The following WDFY3 variants were observed in gnomAD, a reference collection of about 807,000 sequenced individuals.
The protein encoded by WDFY3 is WD repeat and FYVE domain containing 3.
WDFY3 carries 66 observed loss-of-function variants against 409.6 expected under a neutral mutation model. The observed-to-expected ratio is 0.16, with a 90% CI of 0.13 to 0.20. WDFY3 has a LOEUF of 0.20. Ranked by LOEUF, WDFY3 falls within the 10% of genes least tolerant of loss-of-function variation. The pLI is 1.00. For synonymous variants in WDFY3, 1,521 were observed against 1,537.1 expected, an observed-to-expected ratio of 0.99 and a Z score of 0.25; for missense variants, 3,031 against 4,298.1, an observed-to-expected ratio of 0.71 and a Z score of 8.24.
intron 61 of WDFY3, 55 bp from the exon 62 acceptor site, chr4:84,688,320 C>G: frequency 3.2e-6 from 5 of 1,557,540 alleles, no homozygotes; most frequent in Non-Finnish European, 4.4e-6. Flanking sequence ...CAGGGTTCCA[C>G]AGTGACTCCA....
At chr4:84,696,945 C>G in intron 56 of WDFY3, 122 bp from the exon 57 acceptor site, 2 of 749,894 alleles carry the variant, frequency 2.7e-6, no homozygotes, top group Middle Eastern at 7.7e-4. Flanking sequence ...AATTGTACAC[C>G]AGAAAGGACT....
intron 6 of WDFY3, among the ~76,000 whole-genome samples, chr4:84,837,908 TCA>T (rs1390234389): frequency 1.3e-5 from 2 of 152,112 alleles, no homozygotes; most frequent in Non-Finnish European, 2.9e-5. Context: ...TCTCTGTCCT[TCA>T]AAAGACCACA....
At chr4:84,801,588 A>G (rs1750570400) in intron 17 of WDFY3, 62 bp downstream of exon 17, 2 of 1,509,428 alleles carry the variant, frequency 1.3e-6, no homozygotes, top group Non-Finnish European at 1.8e-6. Context: ...TTCTGGAATC[A>G]TAAGGACTCT....
At chr4:84,683,208 G>A (rs113518403) in intron 63 of WDFY3, among the ~76,000 whole-genome samples, 1 of 152,292 alleles carries the variant, frequency 6.6e-6, no homozygotes, top group African/African-American at 2.4e-5. Context: ...GTGTGTTTGT[G>A]AGTTTTTGTG....
intron 36 of WDFY3, among the ~76,000 whole-genome samples, chr4:84,749,442 T>C (rs1225207035): frequency 6.6e-6 from 1 of 152,192 alleles, no homozygotes; most frequent in Non-Finnish European, 1.5e-5. Context: ...ATGAAGTTAA[T>C]AGTTAAATGA....
chr4:84,712,606 A>C (rs1212448735), intron 51 of WDFY3, among the ~76,000 whole-genome samples: 1 of 151,794 alleles, frequency 6.6e-6, no homozygotes, highest in Non-Finnish European at 1.5e-5. Flanking sequence ...CTATTATCCC[A>C]GCTACTCGGG....
intron 11 of WDFY3, 75 bp downstream of exon 11, chr4:84,821,009 A>C: frequency 7.5e-7 from 1 of 1,334,496 alleles, no homozygotes; most frequent in South Asian, 1.5e-5. Flanking sequence ...TAACCAAAGA[A>C]TGGGAACAAG....
intron 1 of WDFY3, among the ~76,000 whole-genome samples, chr4:84,961,215 CAA>C (rs35416764): frequency 1.9e-4 from 21 of 109,102 alleles, no homozygotes; most frequent in Admixed American, 1.8e-4. Flanking sequence ...GACTCTGTCT[CAA>C]AAAAAAAAAA....
intron 3 of WDFY3, among the ~76,000 whole-genome samples, chr4:84,877,235 A>G (rs1762912743): frequency 6.6e-6 from 1 of 152,144 alleles, no homozygotes; most frequent in Non-Finnish European, 1.5e-5. Flanking sequence ...ACGCACCCTG[A>G]GCCCTCTCCT....
intron 13 of WDFY3, among the ~76,000 whole-genome samples, chr4:84,816,817 G>A (rs1262928305): frequency 1.3e-5 from 2 of 151,890 alleles, no homozygotes; most frequent in African/African-American, 4.8e-5. Flanking sequence ...GAAATCTGGG[G>A]GTCGGTTCTA....
intron 36 of WDFY3, among the ~76,000 whole-genome samples, chr4:84,744,374 C>A (rs544222639): frequency 6.6e-6 from 1 of 151,814 alleles, no homozygotes; most frequent in African/African-American, 2.4e-5. Context: ...AAAAACTAAG[C>A]ACACAATTTA....
At chr4:84,792,228 A>G (rs531636807) in intron 21 of WDFY3, among the ~76,000 whole-genome samples, 2 of 152,342 alleles carry the variant, frequency 1.3e-5, no homozygotes, top group East Asian at 3.9e-4. Flanking sequence ...ATGTCTGTTG[A>G]TAAGACTATT....
chr4:84,741,936 G>A lies in WDFY3; in HGVS notation c.6074-15C>T. 1 of 1,554,036 alleles carries A rather than the reference G, an allele frequency of 6.4e-7. No homozygotes were observed. Among genetic ancestry groups the A allele is most frequent in the Non-Finnish European group, 8.7e-7 (1 of 1,145,416 alleles). On this transcript the variant is annotated splice_polypyrimidine_tract_variant and intron_variant, in intron 37 of 67. Transcript: ENST00000295888. ...TGCATCTTCCCCTAAATTCCAGTAGGAAAAAAAGTCTAAGAAAATTGATAT... is the reference window on the plus strand; with the variant it reads ...TGCATCTTCCCCTAAATTCCAGTAGAAAAAAAAGTCTAAGAAAATTGATAT...
chr4:84,845,208 T>C (rs1757924018), intron 5 of WDFY3, among the ~76,000 whole-genome samples: 1 of 152,212 alleles, frequency 6.6e-6, no homozygotes, highest in Non-Finnish European at 1.5e-5. Context: ...AGAATAATCT[T>C]GTTCTGGTGA....
Position 84,724,415 on chromosome 4 carries a change from G to T in WDFY3, c.7441+11C>A, listed in dbSNP as rs769435917. On this transcript the variant is annotated intron_variant, in intron 46 of 67. Transcript: ENST00000295888. ...AATCACTTTTAATCAAAATCAAAAA[G>T]GCAGGCTGACCTTTGACTTTAGCAA... The T allele has an allele frequency of 6.3e-7, 1 of 1,586,802 alleles. No homozygotes were observed. Among genetic ancestry groups the T allele is most frequent in the Non-Finnish European group, 8.6e-7 (1 of 1,168,068 alleles).
intron 7 of WDFY3, among the ~76,000 whole-genome samples, chr4:84,834,981 G>A (rs1340621778): frequency 6.6e-6 from 1 of 152,128 alleles, no homozygotes; most frequent in East Asian, 1.9e-4. Flanking sequence ...CTAGGAGTTG[G>A]GAGAGCTAGG....
chr4:84,678,904 C>A lies in WDFY3; in HGVS notation c.10147+15G>T. 6.2e-7 allele frequency: 1 copy of A among 1,600,910 alleles called. No homozygotes were observed. The highest frequency in any genetic ancestry group is 8.5e-7 in the Non-Finnish European group (1 of 1,172,794). On this transcript the variant is annotated intron_variant, in intron 65 of 67. Transcript: ENST00000295888. ...CATATAAGGAGTGAGAAATAGATAC[C>A]AGACTTCAAGTTACCAGGTTTCAAT...
chr4:84,892,422 G>T (rs1375517807), intron 3 of WDFY3, among the ~76,000 whole-genome samples: 1 of 151,788 alleles, frequency 6.6e-6, no homozygotes, highest in Admixed American at 6.6e-5. Flanking sequence ...TATTTTAAAG[G>T]TTTTAAAATA....
chr4:84,849,127 A>G (rs1758515748), intron 5 of WDFY3, among the ~76,000 whole-genome samples: 1 of 152,134 alleles, frequency 6.6e-6, no homozygotes. Context: ...ATTAGGAATT[A>G]AGGGATTCAG....
Sources: allele counts gnomAD v4.1 joint callset (sites outside exome capture counted in the v4.1 genomes callset), GRCh38; gene constraint gnomAD v4.1.1; transcripts MANE v1.5; gene names NCBI Gene and HGNC (gene_info 2026-07-23, HGNC 2026-07-21).